Variants in LRRFIP1 observed in about 807,000 individuals in gnomAD.
LRRFIP1 encodes leucine-rich repeat flightless-interacting protein 1.
In LRRFIP1, 62 loss-of-function variants were observed where a neutral mutation model predicts 104.4. That is an observed-to-expected ratio of 0.59 (90% CI 0.48 to 0.73). LRRFIP1 has a LOEUF of 0.73. Among genes scored for constraint, LRRFIP1 ranks in the 30% least tolerant of loss-of-function variants. LRRFIP1 has a pLI of 0.00. For synonymous variants in LRRFIP1, 300 were observed against 299.0 expected (o/e 1.00, Z -0.03); for missense variants, 796 against 824.5 (o/e 0.97, Z 0.42).
rs142967008 is a variant in LRRFIP1, at chr2:237,686,906, C to T, written c.97-21638C>T. ...GTGCCCCTAGTCTTACTGGGAGATCCGGCTCCTGGCATTGACCTGGGTGTG... is the reference window on the plus strand; with the variant it reads ...GTGCCCCTAGTCTTACTGGGAGATCTGGCTCCTGGCATTGACCTGGGTGTG... On this transcript the variant is annotated intron_variant, in intron 1 of 23. Coordinates refer to ENST00000308482, the MANE Select transcript of LRRFIP1 (RefSeq NM_001137550.2). Among the ~76,000 whole-genome samples, 460 of 152,312 alleles carry T rather than the reference C, an allele frequency of 3.0e-3. 5 individuals carry two copies. Among genetic ancestry groups the T allele is most frequent in the Non-Finnish European group, 3.8e-3 (258 of 68,028 alleles).
At chr2:237,749,592 T>C (rs1047193691) in intron 13 of LRRFIP1, among the ~76,000 whole-genome samples, 3 of 152,062 alleles carry the variant, frequency 2.0e-5, no homozygotes, top group African/African-American at 7.2e-5. Context: ...GGGAATACCT[T>C]AGTGAGAGCA....
At chr2:237,693,840 C>G (rs1424075160) in intron 1 of LRRFIP1, among the ~76,000 whole-genome samples, 5 of 152,150 alleles carry the variant, frequency 3.3e-5, no homozygotes. Flanking sequence ...TAGAGGCACA[C>G]CTGGAGCAGC....
intron 20 of LRRFIP1, among the ~76,000 whole-genome samples, chr2:237,771,528 T>A (rs2060624558): frequency 7.4e-6 from 1 of 134,314 alleles, no homozygotes; most frequent in Admixed American, 8.5e-5. Flanking sequence ...ACAGATTTGG[T>A]GTCTGAGGGG....
Position 237,693,479 on chromosome 2 carries a change from C to T in LRRFIP1, c.97-15065C>T, listed in dbSNP as rs934135016. On this transcript the variant is annotated intron_variant, in intron 1 of 23. Coordinates refer to ENST00000308482, the MANE Select transcript of LRRFIP1 (RefSeq NM_001137550.2). The stretch of plus-strand genomic sequence containing the variant: ...CAGTTCTTTGCTTGTCAGATGGTTG[C>T]TGTTTTTTAAATGTCCATTTTAGTG... Among the ~76,000 whole-genome samples, 3 of 152,198 alleles carry T rather than the reference C, an allele frequency of 2.0e-5. No individual in the cohort carries two copies. The East Asian group carries it at 5.8e-4, about 29-fold the overall frequency.
intron 11 of LRRFIP1, among the ~76,000 whole-genome samples, chr2:237,742,122 T>C (rs1482052482): frequency 1.3e-5 from 2 of 152,238 alleles, no homozygotes; most frequent in Non-Finnish European, 2.9e-5. Flanking sequence ...TACAAATTCC[T>C]TTGTCATGTG....
At chr2:237,743,380 G>A (rs2057379554) in intron 11 of LRRFIP1, among the ~76,000 whole-genome samples, 1 of 152,144 alleles carries the variant, frequency 6.6e-6, no homozygotes, top group South Asian at 2.1e-4. Flanking sequence ...AAATGAAAAT[G>A]CTTCAGTGTC....
rs1180658844 is a variant in LRRFIP1 at position 237,649,550 on chromosome 2, G to T, written c.96+21810G>T. ...TGTCTCAAAAAAAAAGAACACTGTG[G>T]TGTGAGAGGCAATTGTGGGTCAGCC... On this transcript the variant is annotated intron_variant, in intron 1 of 23. Transcript: ENST00000308482. This position sits in a 1 kb window ranked among gnomAD's most constrained non-coding sequence, Gnocchi z 4.1. 1.3e-5 allele frequency among the ~76,000 whole-genome samples: 2 copies of T among 151,986 alleles called. No homozygotes were observed. Among genetic ancestry groups the T allele is most frequent in the African/African-American group, 4.8e-5 (2 of 41,438 alleles).
chr2:237,674,681 T>C lies in LRRFIP1; in HGVS notation c.97-33863T>C, dbSNP rs182971922. 5.3e-5 allele frequency among the ~76,000 whole-genome samples: 8 copies of C among 152,292 alleles called. No individual in the cohort carries two copies. In the East Asian group the frequency reaches 1.5e-3, roughly 29 times the overall value. On this transcript the variant is annotated intron_variant, in intron 1 of 23. Transcript: ENST00000308482. Reference sequence around the variant, plus strand: ...ATTTCCAGAGATCCCCGAAACTGAATAGGAATAAAAGGGTAGCATTACCTT... The same window carrying C: ...ATTTCCAGAGATCCCCGAAACTGAACAGGAATAAAAGGGTAGCATTACCTT...
chr2:237,692,707 G>C (rs550588089), intron 1 of LRRFIP1, among the ~76,000 whole-genome samples: 1 of 152,140 alleles, frequency 6.6e-6, no homozygotes, highest in African/African-American at 2.4e-5. Flanking sequence ...GGCGAGCGGC[G>C]TCCCTCATGC....
At chr2:237,692,248 C>T in intron 1 of LRRFIP1, 1 of 1,134,768 alleles carries the variant, frequency 8.8e-7, no homozygotes, top group Non-Finnish European at 1.1e-6. Flanking sequence ...CCACCTGCGC[C>T]CCGCCCCTGT....
At chr2:237,773,693 G>A (rs960277747) in intron 22 of LRRFIP1, among the ~76,000 whole-genome samples, 1 of 152,092 alleles carries the variant, frequency 6.6e-6, no homozygotes, top group African/African-American at 2.4e-5. Context: ...TAGCACCCTG[G>A]GCCCTAGGGC....
chr2:237,762,677 GAGAA>G, intron 19 of LRRFIP1: 1 of 1,614,160 alleles, frequency 6.2e-7, no homozygotes, highest in Non-Finnish European at 8.5e-7. Flanking sequence ...GCACAATACT[GAGAA>G]AGAACAACAC....
chr2:237,652,589 G>A (rs1575159243), intron 1 of LRRFIP1, among the ~76,000 whole-genome samples: 1 of 152,230 alleles, frequency 6.6e-6, no homozygotes, highest in African/African-American at 2.4e-5. Context: ...ACTTCTGAGT[G>A]TTCACCGAAA....
chr2:237,684,296 A>AC (rs2092143006), intron 1 of LRRFIP1: 1 of 151,594 alleles, frequency 6.6e-6, no homozygotes, highest in Admixed American at 6.6e-5. Flanking sequence ...ACATGGTGAA[A>AC]CCCCATCTCT....
At chr2:237,773,637 C>T (rs58382490) in intron 22 of LRRFIP1, among the ~76,000 whole-genome samples, 1,923 of 152,268 alleles carry the variant, frequency 0.013, 42 homozygotes, top group African/African-American at 0.044. Flanking sequence ...TCTCTTGCAG[C>T]GAGGCCCGCC....
intron 1 of LRRFIP1, among the ~76,000 whole-genome samples, chr2:237,653,472 A>C (rs1266491886): frequency 1.1e-4 from 17 of 152,196 alleles, no homozygotes; most frequent in Non-Finnish European, 1.5e-5. Flanking sequence ...CCCTATCAAA[A>C]CTCCAATGAC....
At chr2:237,722,959 T>G (rs1404316205) in intron 6 of LRRFIP1, among the ~76,000 whole-genome samples, 2 of 152,180 alleles carry the variant, frequency 1.3e-5, no homozygotes, top group African/African-American at 4.8e-5. Flanking sequence ...TTCTACTGTT[T>G]TTATGTATTT....
At chr2:237,660,983 C>T (rs1050994946) in intron 1 of LRRFIP1, among the ~76,000 whole-genome samples, 1 of 152,182 alleles carries the variant, frequency 6.6e-6, no homozygotes, top group Non-Finnish European at 1.5e-5. Flanking sequence ...TCTCGGATCT[C>T]CTCTTGTGAA....
chr2:237,772,460 T>G (rs953831169), intron 21 of LRRFIP1: 6 of 477,696 alleles, frequency 1.3e-5, no homozygotes, highest in Non-Finnish European at 1.9e-5. Flanking sequence ...ACATTTACTT[T>G]GCTGGATACA....
Sources: gnomAD v4.1 joint callset for allele counts (sites outside exome capture counted in the v4.1 genomes callset) on GRCh38, gnomAD v4.1.1 for gene constraint, Gnocchi (gnomAD v3.1) non-coding constraint, MANE v1.5 for transcripts, NCBI Gene and HGNC (gene_info 2026-07-23, HGNC 2026-07-21) for gene names.